Variants in TMC5 observed in about 807,000 individuals in gnomAD.
TMC5 encodes the protein transmembrane channel like 5, also known as transmembrane channel-like protein 5.
In TMC5, 86 loss-of-function variants were observed where a neutral mutation model predicts 110.5. The ratio of observed to expected loss-of-function variants is 0.78; its 90% confidence interval spans 0.65 to 0.93. The LOEUF is 0.93. Ranked by LOEUF, TMC5 falls within the 40% of genes least tolerant of loss-of-function variation. The probability of loss-of-function intolerance (pLI) is 0.00; values close to 1 mark genes in which losing one functional copy is unlikely to be tolerated. For synonymous variants in TMC5, 455 were observed against 439.5 expected (o/e 1.04, Z -0.44); for missense variants, 1,144 against 1,222.8 (o/e 0.94, Z 0.96).
chr16:19,444,959 C>T (rs142711016), intron 4 of TMC5, among the ~76,000 whole-genome samples: 2,235 of 152,104 alleles, frequency 0.015, 62 homozygotes, highest in African/African-American at 0.051. Context: ...GGTGAAACCC[C>T]GTCTCTACTA....
At chr16:19,455,190 G>A (rs1967836985) in intron 5 of TMC5, among the ~76,000 whole-genome samples, 1 of 151,982 alleles carries the variant, frequency 6.6e-6, no homozygotes, top group South Asian at 2.1e-4. Flanking sequence ...GCTCATGCCT[G>A]TAATCTCAGC....
chr16:19,463,177 T>C (rs1968071813), intron 6 of TMC5, 103 bp from the exon 7 acceptor site: 1 of 852,970 alleles, frequency 1.2e-6, no homozygotes, highest in Non-Finnish European at 1.9e-6. Context: ...TGCCTCAGCT[T>C]CCGAAGTGTT....
At chr16:19,438,435 GAGAAAGAA>G (rs71143882) in intron 2 of TMC5, among the ~76,000 whole-genome samples, 6 of 103,934 alleles carry the variant, frequency 5.8e-5, no homozygotes, top group South Asian at 8.0e-4. Context: ...AAGAAAGAAA[GAGAAAGAA>G]AGAAAGAAAG....
chr16:19,498,097 T>A lies in TMC5; in HGVS notation c.*131T>A, dbSNP rs1181313699. The stretch of plus-strand genomic sequence containing the variant: ...CAAGGCTTTAGCCAGGAGCGGAAAC[T>A]GACTACCATGTAATTATCAAAGTAA... On this transcript the variant is annotated 3_prime_UTR_variant, in exon 22 of 22. Transcript: ENST00000542583. The A allele has an allele frequency of 2.4e-6, 2 of 825,368 alleles. No homozygotes were observed. Among genetic ancestry groups the A allele is most frequent in the Admixed American group, 4.4e-5 (2 of 45,080 alleles). The allele number at this position is 825,368 out of a possible 1,614,324, so 51.1% of individuals were successfully genotyped here.
chr16:19,414,315 C>A (rs967172913), upstream of TMC5, among the ~76,000 whole-genome samples: 9 of 152,044 alleles, frequency 5.9e-5, no homozygotes, highest in African/African-American at 2.2e-4. Flanking sequence ...TTTGACTGTT[C>A]CTGTTGTTTT....
chr16:19,443,979 G>C (rs1967551605), intron 3 of TMC5, 102 bp from the exon 4 acceptor site: 1 of 1,158,982 alleles, frequency 8.6e-7, no homozygotes, highest in Admixed American at 2.2e-5. Flanking sequence ...ATAAATAAAT[G>C]GATGAATACA....
At chr16:19,433,456 A>C (rs1016473748) in intron 2 of TMC5, among the ~76,000 whole-genome samples, 2 of 152,270 alleles carry the variant, frequency 1.3e-5, no homozygotes, top group African/African-American at 4.8e-5. Flanking sequence ...GGGACTCCAG[A>C]GTCTCTCCCC....
chr16:19,466,305 A>T (rs1219232520), intron 9 of TMC5, 72 bp downstream of exon 9: 16 of 1,548,404 alleles, frequency 1.0e-5, no homozygotes, highest in Non-Finnish European at 1.3e-5. Flanking sequence ...GAAATTCAAA[A>T]ATTACCCAGG....
chr16:19,479,628 G>T, intron 14 of TMC5, 100 bp downstream of exon 14: 1 of 830,338 alleles, frequency 1.2e-6, no homozygotes, highest in East Asian at 2.4e-5. Flanking sequence ...TACTCAAAGC[G>T]TGCGTTGTTC....
At position 19,481,902 on chromosome 16, in the gene TMC5, GA is replaced by G. The variant is rs1468680342; in HGVS notation, c.2363+438del. On this transcript the variant is annotated intron_variant, in intron 15 of 21. Coordinates refer to ENST00000542583, the MANE Select transcript of TMC5 (RefSeq NM_001261841.2). Reference sequence around the variant, plus strand: ...ATTAGTGCCCTTATAAACAAGGCCTGAGAGACCCCTTGCCCCTTCTACCACG... The same window carrying G: ...ATTAGTGCCCTTATAAACAAGGCCTGGAGACCCCTTGCCCCTTCTACCACG... Among the ~76,000 whole-genome samples, 9 of 152,186 alleles carry G rather than the reference GA, an allele frequency of 5.9e-5. No homozygotes were observed. The East Asian group carries it at 1.7e-3, about 29-fold the overall frequency.
At chr16:19,493,471 T>TCTTTTC (rs1968971704) in intron 19 of TMC5, among the ~76,000 whole-genome samples, 2 of 26,386 alleles carry the variant, frequency 7.6e-5, no homozygotes, top group South Asian at 4.0e-3. Flanking sequence ...CTCTCTTTTT[T>TCTTTTC]TTTTTTTGAG....
intron 1 of TMC5, among the ~76,000 whole-genome samples, chr16:19,419,664 G>A (rs1038179761): frequency 1.3e-5 from 2 of 151,706 alleles, no homozygotes; most frequent in African/African-American, 2.4e-5. Flanking sequence ...CATCCGCCTC[G>A]GCCTCCCAAA....
In TMC5 at chr16:19,464,000, T is replaced by A. The variant is rs752422056; in HGVS notation, c.1461T>A (p.Thr487=). ...CCAAAAAGAACACCCTCCAGTTCAC[T>A]GGGCTGGAGTTTTTCACTGGGGTGG... ...TVAKKNTLQF[T]GLEFFTGVGY... The change falls in exon 8 of 22, where the codon ACT becomes ACA. Residue 487 remains threonine (T), a synonymous_variant. Coordinates refer to ENST00000542583, the MANE Select transcript of TMC5 (RefSeq NM_001261841.2). The A allele has an allele frequency of 1.2e-6, 2 of 1,614,148 alleles. No homozygotes were observed. The highest frequency in any genetic ancestry group is 3.3e-5 in the Admixed American group (2 of 59,998).
intron 3 of TMC5, among the ~76,000 whole-genome samples, chr16:19,442,433 A>T (rs1417092684): frequency 1.3e-5 from 2 of 149,838 alleles, no homozygotes; most frequent in Non-Finnish European, 2.9e-5. Flanking sequence ...GGTTCAAGTG[A>T]TTCTCCTGCC....
Position 19,440,631 on chromosome 16 carries a change from A to G in TMC5, c.593A>G (p.Tyr198Cys). 2 of 1,614,168 alleles carry G rather than the reference A, an allele frequency of 1.2e-6. No individual in the cohort carries two copies. The highest frequency in any genetic ancestry group is 1.6e-4 in the Middle Eastern group (1 of 6,062). ...LEHTSFRINP[Y>C]ADSLGKPDYP... Reference sequence around the variant, plus strand: ...CATACAAGTTTTAGAATCAATCCATACGCAGACTCTCTGGGAAAGCCTGAT... The same window carrying G: ...CATACAAGTTTTAGAATCAATCCATGCGCAGACTCTCTGGGAAAGCCTGAT... Residue 198 changes from tyrosine to cysteine, a missense_variant, in exon 3 of 22, where the codon TAC becomes TGC. By Grantham distance (194) the Tyr-to-Cys change is radical (BLOSUM62 -2). Transcript: ENST00000542583.
chr16:19,486,505 T>C (rs1277522183), intron 15 of TMC5, among the ~76,000 whole-genome samples: 2 of 152,134 alleles, frequency 1.3e-5, no homozygotes, highest in Non-Finnish European at 2.9e-5. Flanking sequence ...GCCTCTCAAG[T>C]AGCTAAGATT....
At chr16:19,486,894 G>A (rs923130963) in intron 15 of TMC5, 51 bp from the exon 16 acceptor site, 21 of 1,525,140 alleles carry the variant, frequency 1.4e-5, no homozygotes, top group Middle Eastern at 1.7e-4. Flanking sequence ...GATTCACCCC[G>A]ACTCCTTGTG....
chr16:19,486,989 T>A lies in TMC5; in HGVS notation c.2408T>A (p.Ile803Asn), dbSNP rs1353327712. 1 of 1,614,094 alleles carries A rather than the reference T, an allele frequency of 6.2e-7. No homozygotes were observed. Among genetic ancestry groups the A allele is most frequent in the South Asian group, 1.1e-5 (1 of 91,078 alleles). ...CCCCTGCTGCCCTTTATCCAAATGA[T>A]TATGCTTTTCATCATGTTCTACTCC... is the stretch of plus-strand genomic sequence containing the variant. ...FCPLLPFIQMIMLFIMFYSKN... is the reference protein window; with the variant it reads ...FCPLLPFIQMNMLFIMFYSKN... Residue 803 changes from isoleucine to asparagine, a missense_variant, in exon 16 of 22, where the codon ATT becomes AAT. Ile to Asn is a moderately radical substitution (Grantham distance 149). Coordinates refer to ENST00000542583, the MANE Select transcript of TMC5 (RefSeq NM_001261841.2).
intron 2 of TMC5, 34 bp downstream of exon 2, chr16:19,430,674 A>T (rs1316092630): frequency 1.3e-5 from 2 of 152,166 alleles, no homozygotes; most frequent in Non-Finnish European, 1.5e-5. Context: ...TATTCGGTTA[A>T]ATAAACTACC....
Sources: gnomAD v4.1 joint callset for allele counts (sites outside exome capture counted in the v4.1 genomes callset) on GRCh38, gnomAD v4.1.1 for gene constraint, MANE v1.5 for transcripts, NCBI Gene and HGNC (gene_info 2026-07-23, HGNC 2026-07-21) for gene names.